The following MECOM variants were observed in gnomAD, a reference collection of about 807,000 sequenced individuals.
The protein encoded by MECOM is MDS1 and EVI1 complex locus.
In MECOM, 13 loss-of-function variants were observed where a neutral mutation model predicts 116.3. That is an observed-to-expected ratio of 0.11 (90% CI 0.07 to 0.18). The LOEUF is 0.18. Among genes scored for constraint, MECOM ranks in the 10% least tolerant of loss-of-function variants. The pLI, the probability that MECOM is intolerant of heterozygous loss-of-function variation, is 1.00. For synonymous variants in MECOM, 528 were observed against 535.2 expected (o/e 0.99, Z 0.19); for missense variants, 1,299 against 1,509.0 (o/e 0.86, Z 2.31).
intron 2 of MECOM, among the ~76,000 whole-genome samples, chr3:169,330,830 C>T (rs937610589): frequency 6.6e-6 from 1 of 151,650 alleles, no homozygotes; most frequent in African/African-American, 2.4e-5. Context: ...TACTGAACTT[C>T]GATAATAAAG....
At chr3:169,576,122 T>C (rs998873477) in intron 1 of MECOM, among the ~76,000 whole-genome samples, 6 of 152,206 alleles carry the variant, frequency 3.9e-5, no homozygotes, top group Non-Finnish European at 7.3e-5. Flanking sequence ...ATGACATTGC[T>C]ATTGATGGTT....
chr3:169,451,263 A>C (rs1017538470), intron 1 of MECOM, among the ~76,000 whole-genome samples: 6 of 152,024 alleles, frequency 3.9e-5, no homozygotes, highest in African/African-American at 1.4e-4. Flanking sequence ...AAAAAAAAAA[A>C]AGCAAAATGT....
chr3:169,472,222 T>C (rs1256137773), intron 1 of MECOM, among the ~76,000 whole-genome samples: 1 of 151,420 alleles, frequency 6.6e-6, no homozygotes, highest in African/African-American at 2.4e-5. Context: ...AAATTAAAGT[T>C]TATTTCCCCA....
chr3:169,307,894 C>T (rs1384406738), intron 2 of MECOM, among the ~76,000 whole-genome samples: 1 of 152,180 alleles, frequency 6.6e-6, no homozygotes. Flanking sequence ...TACTTCTCCA[C>T]TCTCATTTCC....
chr3:169,537,703 A>G (rs1225952952), intron 1 of MECOM, among the ~76,000 whole-genome samples: 1 of 144,742 alleles, frequency 6.9e-6, no homozygotes, highest in Non-Finnish European at 1.5e-5. Flanking sequence ...GATATAGTAC[A>G]TGCAGCAGAA....
intron 2 of MECOM, among the ~76,000 whole-genome samples, chr3:169,166,710 T>C (rs1299762252): frequency 6.6e-6 from 1 of 152,180 alleles, no homozygotes; most frequent in Non-Finnish European, 1.5e-5. Flanking sequence ...AACTAAGAGT[T>C]CAAACATTTG....
chr3:169,103,997 C>T lies in MECOM; in HGVS notation c.2605-1771G>A, dbSNP rs116803241. Among the ~76,000 whole-genome samples, 426 of 152,206 alleles carry T rather than the reference C, an allele frequency of 2.8e-3. 3 individuals carry two copies. The highest frequency in any genetic ancestry group is 9.5e-3 in the African/African-American group (396 of 41,538). On this transcript the variant is annotated intron_variant, in intron 10 of 16. Coordinates refer to ENST00000651503, the MANE Select transcript of MECOM (RefSeq NM_004991.4). ...TTTGCCAAATGTCTTTCATCAAACA[C>T]GGTACAAAAAAATCTCAGAGGAAAG...
intron 1 of MECOM, among the ~76,000 whole-genome samples, chr3:169,510,750 T>C (rs1755863563): frequency 6.6e-6 from 1 of 152,222 alleles, no homozygotes; most frequent in Non-Finnish European, 1.5e-5. Flanking sequence ...AAAAATGCAG[T>C]GTGGTCACTG....
At chr3:169,396,981 AT>A (rs1735122161) in intron 1 of MECOM, among the ~76,000 whole-genome samples, 2 of 152,208 alleles carry the variant, frequency 1.3e-5, no homozygotes, top group African/African-American at 4.8e-5. Flanking sequence ...TCAAAAAAAA[AT>A]AAATAAATAA....
intron 1 of MECOM, among the ~76,000 whole-genome samples, chr3:169,409,802 G>GAA (rs1205217070): frequency 6.6e-6 from 1 of 152,170 alleles, no homozygotes; most frequent in East Asian, 1.9e-4. Flanking sequence ...TCATGAGACA[G>GAA]AAGAGCATGC....
In MECOM at chr3:169,143,839, GGAA is replaced by G. The variant is rs761936623; in HGVS notation, c.376-10_376-8del. Reference sequence around the variant, plus strand: ...TGTAAAATTCGTCTAAGATCTGGAGGGAAGAAGATGAGAACAATCAATTGCCAT... The same window carrying G: ...TGTAAAATTCGTCTAAGATCTGGAGGGAAGATGAGAACAATCAATTGCCAT... On this transcript the variant is annotated splice_polypyrimidine_tract_variant and splice_region_variant and intron_variant, in intron 2 of 16. Transcript: ENST00000651503. The G allele has an allele frequency of 4.4e-6, 7 of 1,591,876 alleles. No individual in the cohort carries two copies. The East Asian group carries it at 1.4e-4, about 31-fold the overall frequency.
chr3:169,449,604 T>G (rs1187319364), intron 1 of MECOM, among the ~76,000 whole-genome samples: 1 of 152,132 alleles, frequency 6.6e-6, no homozygotes, highest in Non-Finnish European at 1.5e-5. Context: ...AGATAATCAA[T>G]CAAGCTAATA....
intron 1 of MECOM, among the ~76,000 whole-genome samples, chr3:169,417,042 C>T (rs1313412480): frequency 6.6e-6 from 1 of 151,852 alleles, no homozygotes; most frequent in East Asian, 1.9e-4. Context: ...AGGACATAGG[C>T]GTGGGCAAGG....
intron 1 of MECOM, among the ~76,000 whole-genome samples, chr3:169,406,723 A>G (rs1299005753): frequency 2.0e-5 from 3 of 152,166 alleles, no homozygotes; most frequent in Non-Finnish European, 4.4e-5. Flanking sequence ...GACAGATTTT[A>G]AAAACTAAGG....
chr3:169,583,428 A>G (rs751502832), intron 1 of MECOM, among the ~76,000 whole-genome samples: 1 of 152,120 alleles, frequency 6.6e-6, no homozygotes, highest in Non-Finnish European at 1.5e-5. Flanking sequence ...AACAACTAAC[A>G]AAGTGAAACA....
chr3:169,295,221 T>A (rs1381050174), intron 2 of MECOM, among the ~76,000 whole-genome samples: 1 of 152,160 alleles, frequency 6.6e-6, no homozygotes, highest in Non-Finnish European at 1.5e-5. Flanking sequence ...ATATATTGGG[T>A]TTCTGAGTAA....
At chr3:169,085,530 C>T (rs1324729842) in intron 16 of MECOM, among the ~76,000 whole-genome samples, 5 of 152,144 alleles carry the variant, frequency 3.3e-5, no homozygotes, top group African/African-American at 1.2e-4. Flanking sequence ...CCCAAAGTCA[C>T]TCAATTAGAT....
chr3:169,589,817 C>T (rs951579844), intron 1 of MECOM, among the ~76,000 whole-genome samples: 4 of 152,192 alleles, frequency 2.6e-5, no homozygotes, highest in Non-Finnish European at 5.9e-5. Context: ...ATCCATCTAC[C>T]TACTTTTAAC....
intron 1 of MECOM, among the ~76,000 whole-genome samples, chr3:169,418,657 C>T (rs1739155452): frequency 6.6e-6 from 1 of 152,140 alleles, no homozygotes; most frequent in African/African-American, 2.4e-5. Flanking sequence ...ACATGATTAT[C>T]TCAATAGATG....
Sources: allele counts gnomAD v4.1 joint callset (sites outside exome capture counted in the v4.1 genomes callset), GRCh38; gene constraint gnomAD v4.1.1; transcripts MANE v1.5; gene names NCBI Gene and HGNC (gene_info 2026-07-23, HGNC 2026-07-21).